Variants in QTMAN observed in about 807,000 individuals in gnomAD.
The protein encoded by QTMAN is tRNA-queuosine alpha-mannosyltransferase.
At chr2:144,312,119 T>C in the QTMAN span, among the ~76,000 whole-genome samples, 2 of 152,076 alleles carry the variant, frequency 1.3e-5, no homozygotes, top group Non-Finnish European at 1.5e-5. Flanking sequence ...GGGTCATCAG[T>C]TACAGCAAGC....
At chr2:144,288,301 C>T in the QTMAN span, among the ~76,000 whole-genome samples, 1 of 152,124 alleles carries the variant, frequency 6.6e-6, no homozygotes, top group African/African-American at 2.4e-5. Context: ...AACAAAAAAA[C>T]TGTACCACAA....
the QTMAN span, among the ~76,000 whole-genome samples, chr2:143,967,358 T>G: frequency 3.3e-5 from 5 of 150,172 alleles, no homozygotes; most frequent in African/African-American, 7.4e-5. Context: ...TGAGACAGAG[T>G]CTCACTCTGT....
chr2:144,128,502 G>A, the QTMAN span, among the ~76,000 whole-genome samples: 2 of 152,030 alleles, frequency 1.3e-5, no homozygotes, highest in African/African-American at 2.4e-5. Context: ...ATCTATTCCT[G>A]AAGAAATGGA....
chr2:144,281,427 A>C, the QTMAN span, among the ~76,000 whole-genome samples: 1 of 151,392 alleles, frequency 6.6e-6, no homozygotes, highest in Non-Finnish European at 1.5e-5. Flanking sequence ...AACGGAAAAT[A>C]ACCTAAATGT....
chr2:143,953,519 G>T, the QTMAN span, among the ~76,000 whole-genome samples: 1 of 151,830 alleles, frequency 6.6e-6, no homozygotes, highest in African/African-American at 2.4e-5. Context: ...AAACAAACAT[G>T]AAAGTTTCAC....
the QTMAN span, among the ~76,000 whole-genome samples, chr2:144,212,782 C>A: frequency 6.6e-6 from 1 of 152,090 alleles, no homozygotes; most frequent in African/African-American, 2.4e-5. Flanking sequence ...CCCAATGACA[C>A]CAGATGAATG....
At chr2:144,146,526 G>T in the QTMAN span, among the ~76,000 whole-genome samples, 1 of 151,658 alleles carries the variant, frequency 6.6e-6, no homozygotes, top group Non-Finnish European at 1.5e-5. Context: ...CCTACTATGT[G>T]CCAGGGTCTA....
chr2:143,939,570 G>A, the QTMAN span: 1 of 152,008 alleles, frequency 6.6e-6, no homozygotes, highest in Non-Finnish European at 1.5e-5. Context: ...TTGAAACCCT[G>A]TTTATTACAG....
chr2:144,194,809 T>C, the QTMAN span, among the ~76,000 whole-genome samples: 3 of 152,320 alleles, frequency 2.0e-5, no homozygotes, highest in Admixed American at 6.5e-5. Flanking sequence ...ATGGAAATAC[T>C]GATTCAGATG....
At chr2:143,969,414 C>T in the QTMAN span, among the ~76,000 whole-genome samples, 1 of 152,044 alleles carries the variant, frequency 6.6e-6, no homozygotes, top group Non-Finnish European at 1.5e-5. Flanking sequence ...CTTATTTGTC[C>T]AATAAATATT....
chr2:144,071,300 G>A, the QTMAN span, among the ~76,000 whole-genome samples: 1 of 151,500 alleles, frequency 6.6e-6, no homozygotes, highest in African/African-American at 2.4e-5. Context: ...GGGGGATAGG[G>A]GTTGGGGATG....
At chr2:144,053,353 C>G in the QTMAN span, among the ~76,000 whole-genome samples, 3 of 152,098 alleles carry the variant, frequency 2.0e-5, no homozygotes, top group Non-Finnish European at 4.4e-5. Flanking sequence ...AAAAATTTAG[C>G]TGGTTATCTG....
chr2:144,122,225 C>T, the QTMAN span, among the ~76,000 whole-genome samples: 6 of 152,232 alleles, frequency 3.9e-5, no homozygotes, highest in African/African-American at 1.4e-4. Flanking sequence ...GATAAAGCTA[C>T]ACATTTAAAA....
the QTMAN span, among the ~76,000 whole-genome samples, chr2:144,163,496 G>A: frequency 6.6e-6 from 1 of 152,088 alleles, no homozygotes; most frequent in South Asian, 2.1e-4. Flanking sequence ...TAACTATAAG[G>A]TACAGTTTAA....
chr2:144,284,459 A>T, the QTMAN span, among the ~76,000 whole-genome samples: 1 of 152,042 alleles, frequency 6.6e-6, no homozygotes, highest in Non-Finnish European at 1.5e-5. Context: ...TATGATCTTG[A>T]CCATGGATGG....
At chr2:144,266,038 T>G in the QTMAN span, among the ~76,000 whole-genome samples, 1 of 152,148 alleles carries the variant, frequency 6.6e-6, no homozygotes, top group Non-Finnish European at 1.5e-5. Flanking sequence ...AGAGCTGGAA[T>G]ACGTAAAGAA....
the QTMAN span, among the ~76,000 whole-genome samples, chr2:144,182,269 C>T: frequency 6.6e-6 from 1 of 152,076 alleles, no homozygotes. Context: ...TATAAATTGT[C>T]TACCTTTTCT....
At chr2:143,961,490 T>C in the QTMAN span, among the ~76,000 whole-genome samples, 2 of 152,154 alleles carry the variant, frequency 1.3e-5, no homozygotes, top group Non-Finnish European at 2.9e-5. Context: ...TGTCTAGTAA[T>C]GTCGATCTTT....
At chr2:144,055,348 C>T in the QTMAN span, among the ~76,000 whole-genome samples, 9 of 151,260 alleles carry the variant, frequency 6.0e-5, no homozygotes, top group Non-Finnish European at 5.9e-5. Flanking sequence ...CACACACACA[C>T]ACACACACAC....
Sources: allele counts gnomAD v4.1 joint callset (sites outside exome capture counted in the v4.1 genomes callset), GRCh38; gene constraint gnomAD v4.1.1; transcripts MANE v1.5; gene names NCBI Gene and HGNC (gene_info 2026-07-23, HGNC 2026-07-21).